FAM3D: variants seen among roughly 807,000 people sequenced by gnomAD.
FAM3D encodes the protein protein FAM3D.
In FAM3D, 26 loss-of-function variants were observed where a neutral mutation model predicts 29.8. That is an observed-to-expected ratio of 0.87 (90% CI 0.64 to 1.21). FAM3D has a LOEUF of 1.21. Ranked by LOEUF, FAM3D falls within the 50% of genes most tolerant of loss-of-function variation. FAM3D has a pLI of 0.00. For missense variants in FAM3D, 253 were observed against 290.9 expected (o/e 0.87, Z 0.95); for synonymous variants, 115 against 102.3 (o/e 1.12, Z -0.75).
At chr3:58,639,566 G>T (rs1156520017) in intron 7 of FAM3D, among the ~76,000 whole-genome samples, 1 of 152,146 alleles carries the variant, frequency 6.6e-6, no homozygotes, top group Admixed American at 6.5e-5. Context: ...CAGGAGGAGG[G>T]ACCTTGCACA....
chr3:58,637,118 G>A, intron 8 of FAM3D, 23 bp downstream of exon 8: 1 of 1,603,188 alleles, frequency 6.2e-7, no homozygotes, highest in Non-Finnish European at 8.5e-7. Context: ...TGTGTGGCCT[G>A]GCAGGTAGAG....
At chr3:58,650,728 A>AT (rs1215398122) in intron 3 of FAM3D, among the ~76,000 whole-genome samples, 1 of 151,828 alleles carries the variant, frequency 6.6e-6, no homozygotes, top group Non-Finnish European at 1.5e-5. Context: ...TTTTATTTTT[A>AT]TTTTTTTGAG....
chr3:58,657,094 C>T (rs11709163), intron 1 of FAM3D, among the ~76,000 whole-genome samples: 145,562 of 152,068 alleles, frequency 0.96, 70,016 homozygotes, highest in East Asian at 1. Context: ...TTACCAGCTT[C>T]TTTTTTCCAG....
chr3:58,647,774 C>G (rs913875327), intron 4 of FAM3D, among the ~76,000 whole-genome samples: 4 of 152,192 alleles, frequency 2.6e-5, no homozygotes, highest in African/African-American at 9.6e-5. Flanking sequence ...GCCCAACCCC[C>G]CCGGGAACCC....
intron 1 of FAM3D, among the ~76,000 whole-genome samples, chr3:58,666,177 G>A (rs570446178): frequency 6.6e-6 from 1 of 152,280 alleles, no homozygotes; most frequent in South Asian, 2.1e-4. Flanking sequence ...GTGAATGAAA[G>A]AATAAATGTT....
chr3:58,649,838 T>C (rs1196579252), intron 3 of FAM3D, among the ~76,000 whole-genome samples: 1 of 152,154 alleles, frequency 6.6e-6, no homozygotes, highest in Non-Finnish European at 1.5e-5. Flanking sequence ...TCCCTGGGCC[T>C]CAGTTTCCTT....
chr3:58,644,253 G>T (rs1039602160), intron 5 of FAM3D, among the ~76,000 whole-genome samples: 7 of 152,196 alleles, frequency 4.6e-5, no homozygotes, highest in African/African-American at 1.7e-4. Context: ...TGGCTGATAT[G>T]GTTTGGCTGT....
intron 6 of FAM3D, among the ~76,000 whole-genome samples, chr3:58,642,527 GA>G: frequency 6.6e-6 from 1 of 152,120 alleles, no homozygotes; most frequent in Non-Finnish European, 1.5e-5. Context: ...CCAGTTCTTA[GA>G]AAACTCTGTT....
chr3:58,642,332 CT>C (rs1378193471), intron 6 of FAM3D, among the ~76,000 whole-genome samples: 1 of 152,210 alleles, frequency 6.6e-6, no homozygotes, highest in Non-Finnish European at 1.5e-5. Flanking sequence ...CGAGAAAAGG[CT>C]TTCTCTGGAG....
At chr3:58,652,374 C>CCACT (rs2066661698) in intron 3 of FAM3D, among the ~76,000 whole-genome samples, 1 of 150,558 alleles carries the variant, frequency 6.6e-6, no homozygotes, top group Admixed American at 6.6e-5. Flanking sequence ...ACCTGTCCAT[C>CCACT]CATTCATTCA....
intron 1 of FAM3D, among the ~76,000 whole-genome samples, chr3:58,660,493 C>T (rs74836241): frequency 0.027 from 4,119 of 152,156 alleles, 157 homozygotes; most frequent in East Asian, 0.15. Flanking sequence ...CCAATACAGA[C>T]GGGGAGATAA....
At chr3:58,659,235 C>T (rs1017770784) in intron 1 of FAM3D, among the ~76,000 whole-genome samples, 5 of 152,204 alleles carry the variant, frequency 3.3e-5, no homozygotes, top group Non-Finnish European at 5.9e-5. Context: ...TGCTGCCTCT[C>T]GCTAGTGCAC....
At chr3:58,648,042 G>C (rs1051956990) in intron 4 of FAM3D, among the ~76,000 whole-genome samples, 2 of 152,210 alleles carry the variant, frequency 1.3e-5, no homozygotes, top group African/African-American at 4.8e-5. Flanking sequence ...GGCTTGGAGG[G>C]AAAGAATGCT....
At chr3:58,657,044 C>A (rs1265395108) in intron 1 of FAM3D, among the ~76,000 whole-genome samples, 1 of 152,174 alleles carries the variant, frequency 6.6e-6, no homozygotes, top group Admixed American at 6.5e-5. Flanking sequence ...TGGCTCTACC[C>A]ACAGAAAAAT....
At chr3:58,644,019 C>T (rs1263697790) in intron 5 of FAM3D, among the ~76,000 whole-genome samples, 2 of 152,212 alleles carry the variant, frequency 1.3e-5, no homozygotes, top group African/African-American at 4.8e-5. Flanking sequence ...TGAGGCCTGG[C>T]TGCTGGAAGG....
Position 58,640,268 on chromosome 3 carries a change from C to T in FAM3D, c.323-91G>A, listed in dbSNP as rs570826643. The T allele has an allele frequency of 2.2e-6, 3 of 1,387,144 alleles. No individual in the cohort carries two copies. The East Asian group carries it at 6.8e-5, about 32-fold the overall frequency. 85.9% of individuals were successfully genotyped at this position (1,387,144 alleles called of 1,614,324 possible). On this transcript the variant is annotated intron_variant, in intron 6 of 9. Transcript: ENST00000358781. ...AAATGCCTAATCTGTAGTCTAAGAT[C>T]TAAAAACAGAATAAGAATCTAATGA...
At chr3:58,644,489 G>A (rs2066421841) in intron 5 of FAM3D, among the ~76,000 whole-genome samples, 1 of 152,176 alleles carries the variant, frequency 6.6e-6, no homozygotes, top group South Asian at 2.1e-4. Context: ...ATGATTATGA[G>A]GCTTCTCCTG....
chr3:58,634,518 A>C lies in FAM3D; in HGVS notation c.586-150T>G, dbSNP rs951879163. On this transcript the variant is annotated intron_variant, in intron 9 of 9. Coordinates refer to ENST00000358781, the MANE Select transcript of FAM3D (RefSeq NM_138805.3). The surrounding 1 kb of genome is among the most constrained non-coding windows in gnomAD (Gnocchi z 4.6). Reference sequence around the variant, plus strand: ...GGGGAAACTGAGGCTCAGAGAGGGGATGCAACTTGCTCAAGATCTCAGAGA... The same window carrying C: ...GGGGAAACTGAGGCTCAGAGAGGGGCTGCAACTTGCTCAAGATCTCAGAGA... The C allele has an allele frequency of 1.6e-6, 1 of 642,390 alleles. No individual in the cohort carries two copies. Among genetic ancestry groups the C allele is most frequent in the African/African-American group, 1.9e-5 (1 of 53,544 alleles). 39.8% of individuals were successfully genotyped at this position (642,390 alleles called of 1,614,324 possible).
intron 5 of FAM3D, among the ~76,000 whole-genome samples, chr3:58,644,576 C>T (rs9860581): frequency 5.9e-5 from 9 of 152,152 alleles, no homozygotes; most frequent in Non-Finnish European, 8.8e-5. Flanking sequence ...TTATCAGCAG[C>T]GTGAAAACGG....
Sources: gnomAD v4.1 joint callset for allele counts (sites outside exome capture counted in the v4.1 genomes callset) on GRCh38, gnomAD v4.1.1 for gene constraint, Gnocchi (gnomAD v3.1) non-coding constraint, MANE v1.5 for transcripts, NCBI Gene and HGNC (gene_info 2026-07-23, HGNC 2026-07-21) for gene names.